Variants in STRA6 observed in about 807,000 individuals in gnomAD.
The protein encoded by STRA6 is receptor for retinol uptake STRA6.
STRA6 carries 48 observed loss-of-function variants against 83.6 expected under a neutral mutation model. The ratio of observed to expected loss-of-function variants is 0.57; its 90% CI spans 0.46 to 0.73. The LOEUF (loss-of-function observed/expected upper bound fraction) is 0.73. STRA6 is among the 30% of genes least tolerant of loss of function. The pLI is 0.00. For missense variants in STRA6, 760 were observed against 838.8 expected (o/e 0.91, Z 1.16); for synonymous variants, 353 against 362.3 (o/e 0.97, Z 0.29).
At chr15:74,193,960 T>G in intron 7 of STRA6, 38 bp from the exon 8 acceptor site, 1 of 1,608,744 alleles carries the variant, frequency 6.2e-7, no homozygotes, top group Non-Finnish European at 8.5e-7. Flanking sequence ...ACTTTCCACC[T>G]TCTTCCCCCA....
rs372559740 is a variant in STRA6, at chr15:74,195,668, T to C, written c.414A>G (p.Lys138=). The C allele has an allele frequency of 1.4e-6, 2 of 1,420,048 alleles. No homozygotes were observed. The highest frequency in any genetic ancestry group is 1.9e-6 in the Non-Finnish European group (2 of 1,026,958). 88.0% of individuals were successfully genotyped at this position (1,420,048 alleles called of 1,614,324 possible). ...GCAAGTTACCTCTTGGAGCCTCAGT[T>C]TTCCCATCTGTAAAATGAAAATAAT... ...TLASAPSQDG[K]TEAPRGAWKI... is the part of the protein sequence containing the mutation. The change falls in exon 6 of 19, where the codon AAA becomes AAG. Residue 138 remains lysine, a synonymous_variant. Coordinates refer to ENST00000395105, the MANE Select transcript of STRA6 (RefSeq NM_022369.4).
exon 1 of STRA6, chr15:74,208,886 C>A (rs1317347602): frequency 4.7e-5 from 47 of 989,632 alleles, no homozygotes; most frequent in Non-Finnish European, 5.0e-5. Context: ...TCCCTCCAGG[C>A]AAGCAGGGTG....
rs533007768 is a variant in STRA6 at position 74,194,357 on chromosome 15, G to A, written c.598-435C>T. 12 of 1,069,162 alleles carry A rather than the reference G, an allele frequency of 1.1e-5. No homozygotes were observed. The South Asian group carries it at 2.4e-4, about 21-fold the overall frequency. 66.2% of individuals were successfully genotyped at this position (1,069,162 alleles called of 1,614,324 possible). ...CTCCTCAGGGCTGAGGCCTTCCTGG[G>A]GGTGGGCTTTTTGTATACTCATTCA... On this transcript the variant is annotated intron_variant, in intron 7 of 18. Coordinates refer to ENST00000395105, the MANE Select transcript of STRA6 (RefSeq NM_022369.4).
rs186185335 is a variant in STRA6 at position 74,197,752 on chromosome 15, T to C, written c.180A>G (p.Ser60=). The C allele has an allele frequency of 1.1e-4, 170 of 1,613,330 alleles. 1 individual carries two copies. The East Asian group carries it at 3.1e-3, about 29-fold the overall frequency. ...CAGGTTCAACTTGGGTTGGACTCAC[T>C]GACAGCGAGGCCAGGCAGGCGTGGT... is the stretch of plus-strand genomic sequence containing the variant. ...GLYHACLASL[S]ILVLLLLAML... Residue 60 remains serine (S), a splice_region_variant and synonymous_variant, in exon 3 of 19, where the codon TCA becomes TCG. Transcript: ENST00000395105.
Position 74,180,079 on chromosome 15 carries a change from C to T in STRA6, c.*1G>A. The stretch of plus-strand genomic sequence containing the variant: ...GGCAGGTGGGTTGACCTTCCCTGCC[C>T]TCAGGGCTGGGCACCATTGGCACCC... On this transcript the variant is annotated 3_prime_UTR_variant, in exon 19 of 19. Coordinates refer to ENST00000395105, the MANE Select transcript of STRA6 (RefSeq NM_022369.4). The T allele has an allele frequency of 6.2e-7, 1 of 1,612,692 alleles. No individual in the cohort carries two copies. Among genetic ancestry groups the T allele is most frequent in the Non-Finnish European group, 8.5e-7 (1 of 1,179,018 alleles).
In STRA6 at chr15:74,189,689, G is replaced by C. The variant is rs1298857677; in HGVS notation, c.928-412C>G. Among the ~76,000 whole-genome samples, 3 of 149,246 alleles carry C rather than the reference G, an allele frequency of 2.0e-5. No individual in the cohort carries two copies. The East Asian group carries it at 5.9e-4, about 29-fold the overall frequency. On this transcript the variant is annotated intron_variant, in intron 11 of 18. Coordinates refer to ENST00000395105, the MANE Select transcript of STRA6 (RefSeq NM_022369.4). ...TTCTTTTTTTTTTTTTTTTGAGATG[G>C]AGTCTTGCTCTGTGGCCAGGCTGGA...
upstream of STRA6, chr15:74,207,769 C>T (rs996587058): frequency 6.5e-7 from 1 of 1,535,748 alleles, no homozygotes; most frequent in Admixed American, 2.0e-5. Context: ...GGCCCGTGAG[C>T]TTGGGGTGTG....
chr15:74,204,824 A>T (rs1482412410), upstream of STRA6, among the ~76,000 whole-genome samples: 1 of 152,172 alleles, frequency 6.6e-6, no homozygotes, highest in East Asian at 1.9e-4. Context: ...AATCCCAGCT[A>T]CTAGGGAGGC....
rs374671718 is a variant in STRA6 at position 74,195,487 on chromosome 15, A to G, written c.431-19T>C. 4 of 1,611,756 alleles carry G rather than the reference A, an allele frequency of 2.5e-6. No individual in the cohort carries two copies. In the African/African-American group the frequency reaches 5.3e-5, roughly 22 times the overall value. ...CAGGCCCCTGGAAGGTGAAACAAGC[A>G]GAGAGACCCATGCTGGAGGGGCAGA... On this transcript the variant is annotated intron_variant, in intron 6 of 18. Transcript: ENST00000395105.
chr15:74,205,823 GC>G (rs1310743560), upstream of STRA6, among the ~76,000 whole-genome samples: 3 of 152,182 alleles, frequency 2.0e-5, no homozygotes, highest in African/African-American at 7.2e-5. Flanking sequence ...ACCAAGGGAG[GC>G]CCTAAGCAGA....
chr15:74,195,928 TGAGCCAAGCTTAAAACTCC>T, intron 5 of STRA6, 61 bp downstream of exon 5: 2 of 1,592,222 alleles, frequency 1.3e-6, no homozygotes, highest in Non-Finnish European at 1.7e-6. Flanking sequence ...CTCATCTCCT[TGAGCCAAGCTTAAAACTCC>T]GAGACCCCAC....
upstream of STRA6, chr15:74,209,174 GC>G: frequency 8.1e-7 from 1 of 1,237,904 alleles, no homozygotes; most frequent in Non-Finnish European, 1.1e-6. Context: ...AGGGGCTGGG[GC>G]CCCACACAAC....
chr15:74,189,046 G>C (rs1247925332), intron 12 of STRA6, 69 bp downstream of exon 12: 1 of 1,584,138 alleles, frequency 6.3e-7, no homozygotes, highest in Admixed American at 1.7e-5. Context: ...GGCTGACTAG[G>C]GCATAGACCT....
rs376920390 is a variant in STRA6, at chr15:74,190,444, T to C, written c.927+396A>G. ...TTCGGGGTTTTTTTTTTTTCGGAGG[T>C]GGTGAGGCAGAGTTTATCAAACATG... On this transcript the variant is annotated intron_variant, in intron 11 of 18. Transcript: ENST00000395105. Among the ~76,000 whole-genome samples, 20 of 150,250 alleles carry C rather than the reference T, an allele frequency of 1.3e-4. 1 individual carries two copies. Among genetic ancestry groups the C allele is most frequent in the African/African-American group, 4.9e-4 (20 of 40,866 alleles).
chr15:74,194,171 AG>A (rs2073696507), intron 7 of STRA6, among the ~76,000 whole-genome samples: 1 of 92,286 alleles, frequency 1.1e-5, no homozygotes, highest in Non-Finnish European at 2.4e-5. Flanking sequence ...AGGAGCCAAG[AG>A]GAGGAGATCA....
chr15:74,183,776 G>A, intron 14 of STRA6, 80 bp downstream of exon 14: 1 of 1,609,616 alleles, frequency 6.2e-7, no homozygotes, highest in Non-Finnish European at 8.5e-7. Flanking sequence ...TACTTGCTGA[G>A]CACTCTTCTC....
At position 74,191,263 on chromosome 15, in the gene STRA6, G is replaced by C. The variant is rs1299838805; in HGVS notation, c.789-20C>G. ...TGGTAGCTGCAGAAAGACCCAGGCA[G>C]GTGCGGGGTCCTCAGGGGAAGCCCA... On this transcript the variant is annotated intron_variant, in intron 9 of 18. Transcript: ENST00000395105. 6.2e-7 allele frequency: 1 copy of C among 1,612,958 alleles called. No individual in the cohort carries two copies. Among genetic ancestry groups the C allele is most frequent in the Non-Finnish European group, 8.5e-7 (1 of 1,179,888 alleles).
At chr15:74,198,108 T>C (rs1464844675) in intron 2 of STRA6, among the ~76,000 whole-genome samples, 2 of 144,000 alleles carry the variant, frequency 1.4e-5, no homozygotes, top group South Asian at 4.4e-4. Flanking sequence ...ACTTATTCTC[T>C]TTTTTTTTTT....
chr15:74,197,836 G>T lies in STRA6; in HGVS notation c.114-18C>A. On this transcript the variant is annotated intron_variant, in intron 2 of 18. Coordinates refer to ENST00000395105, the MANE Select transcript of STRA6 (RefSeq NM_022369.4). Reference sequence around the variant, plus strand: ...GCACTTCCCTGCAGAGCAAATGAAGGCTGGCTCAGGCCTGCGTCAGGCCCC... The same window carrying T: ...GCACTTCCCTGCAGAGCAAATGAAGTCTGGCTCAGGCCTGCGTCAGGCCCC... The T allele has an allele frequency of 6.2e-7, 1 of 1,611,668 alleles. No homozygotes were observed.
Sources: gnomAD v4.1 joint callset for allele counts (sites outside exome capture counted in the v4.1 genomes callset) on GRCh38, gnomAD v4.1.1 for gene constraint, MANE v1.5 for transcripts, NCBI Gene and HGNC (gene_info 2026-07-23, HGNC 2026-07-21) for gene names.